Variants in RC3H1 observed in about 807,000 individuals in gnomAD.
The protein encoded by RC3H1 is roquin-1.
RC3H1 carries 50 observed loss-of-function variants against 138.2 expected under a neutral mutation model. The observed-to-expected ratio is 0.36, with a 90% CI of 0.29 to 0.46. The LOEUF is 0.46. RC3H1 is among the 20% of genes least tolerant of loss of function. The probability of loss-of-function intolerance (pLI) is 1.00; values close to 1 mark genes in which losing one functional copy is unlikely to be tolerated. For missense variants in RC3H1, 1,031 were observed against 1,388.1 expected (o/e 0.74, Z 4.09); for synonymous variants, 462 against 489.1 (o/e 0.94, Z 0.73).
At chr1:173,981,436 A>T (rs908018768) in intron 5 of RC3H1, among the ~76,000 whole-genome samples, 1 of 152,222 alleles carries the variant, frequency 6.6e-6, no homozygotes, top group Admixed American at 6.5e-5. Context: ...ATTTTTGTAT[A>T]GTCAATCTGT....
In RC3H1 at chr1:173,980,812, G is replaced by A; in HGVS notation, c.966C>T (p.Asp322=). Residue 322 remains aspartate, a synonymous_variant, in exon 6 of 20, where the codon GAC becomes GAT. Coordinates refer to ENST00000367696, the MANE Select transcript of RC3H1 (RefSeq NM_172071.4). ...SHKSHMQSII[D]KLQTPASFAQ... ...TAAGGAACAAAAAAGGTCCTACCTTGTCAATAATGGACTGCATATGAGATT... is the reference window on the plus strand; with the variant it reads ...TAAGGAACAAAAAAGGTCCTACCTTATCAATAATGGACTGCATATGAGATT... 6.2e-7 allele frequency: 1 copy of A among 1,611,960 alleles called. No individual in the cohort carries two copies. Among genetic ancestry groups the A allele is most frequent in the African/African-American group, 1.3e-5 (1 of 75,016 alleles).
In RC3H1 at chr1:173,951,955, G is replaced by T. The variant is rs765147121; in HGVS notation, c.2523+31C>A. ...AAATTTATTTGGTTTATCTTAATTTGTATTAATTATTGCTTAGCTATTACA... is the reference window on the plus strand; with the variant it reads ...AAATTTATTTGGTTTATCTTAATTTTTATTAATTATTGCTTAGCTATTACA... On this transcript the variant is annotated intron_variant, in intron 14 of 19. Transcript: ENST00000367696. The T allele has an allele frequency of 1.2e-5, 19 of 1,566,574 alleles. No individual in the cohort carries two copies. The African/African-American group carries it at 2.3e-4, about 19-fold the overall frequency.
chr1:173,946,676 A>C (rs981974636), intron 16 of RC3H1, 68 bp from the exon 17 acceptor site: 2 of 1,599,824 alleles, frequency 1.3e-6, no homozygotes, highest in African/African-American at 2.7e-5. Flanking sequence ...ACTGACCAGA[A>C]AAACAAAAAG....
At chr1:173,987,643 C>A (rs1356043020) in intron 2 of RC3H1, among the ~76,000 whole-genome samples, 3 of 152,162 alleles carry the variant, frequency 2.0e-5, no homozygotes, top group Non-Finnish European at 2.9e-5. Context: ...GATATGAATG[C>A]TATGTATGCA....
chr1:174,020,149 A>AG (rs2103120797), intron 1 of RC3H1, among the ~76,000 whole-genome samples: 1 of 151,528 alleles, frequency 6.6e-6, no homozygotes, highest in South Asian at 2.1e-4. Flanking sequence ...AAAAAAAAAA[A>AG]TCACAGATTT....
intron 6 of RC3H1, among the ~76,000 whole-genome samples, chr1:173,979,444 G>A (rs762727252): frequency 6.6e-5 from 10 of 152,106 alleles, no homozygotes; most frequent in Non-Finnish European, 1.5e-4. Context: ...TCAGGAGTTC[G>A]AAACCAGCCT....
intron 13 of RC3H1, among the ~76,000 whole-genome samples, chr1:173,957,801 A>G (rs948210650): frequency 2.7e-4 from 41 of 152,172 alleles, no homozygotes; most frequent in Non-Finnish European, 5.4e-4. Context: ...GGCTCAAGCA[A>G]TCTTCCCACC....
intron 6 of RC3H1, among the ~76,000 whole-genome samples, chr1:173,980,141 G>C (rs1415949337): frequency 6.7e-6 from 1 of 149,202 alleles, no homozygotes; most frequent in Non-Finnish European, 1.5e-5. Context: ...GCCTCTCAAA[G>C]TGCTGAGATT....
intron 10 of RC3H1, among the ~76,000 whole-genome samples, 167 bp from the exon 11 acceptor site, chr1:173,964,354 C>G (rs1571197496): frequency 1.1e-5 from 1 of 87,506 alleles, no homozygotes; most frequent in African/African-American, 2.3e-4. Flanking sequence ...TTAATTGTTT[C>G]TTTTCTTTTT....
chr1:173,953,640 T>C (rs1309236579), intron 13 of RC3H1, among the ~76,000 whole-genome samples: 1 of 152,172 alleles, frequency 6.6e-6, no homozygotes, highest in Non-Finnish European at 1.5e-5. Flanking sequence ...GATAAATTTA[T>C]ATACTGACAT....
Position 173,935,483 on chromosome 1 carries a change from C to A in RC3H1, c.*3238G>T, listed in dbSNP as rs1324420925. ...TTTTGCTTTGGAATTTAGTGAAATA[C>A]AAATAAAGTAATATTTAGAAGAAAC... On this transcript the variant is annotated 3_prime_UTR_variant, in exon 20 of 20. Coordinates refer to ENST00000367696, the MANE Select transcript of RC3H1 (RefSeq NM_172071.4). 1 of 151,212 alleles carries A rather than the reference C, an allele frequency of 6.6e-6. No individual in the cohort carries two copies. Among genetic ancestry groups the A allele is most frequent in the Admixed American group, 6.6e-5 (1 of 15,168 alleles). The allele number at this position is 151,212 out of a possible 1,614,324, so 9.4% of individuals were successfully genotyped here.
At chr1:174,017,656 G>A (rs908257441) in intron 1 of RC3H1, among the ~76,000 whole-genome samples, 1 of 151,922 alleles carries the variant, frequency 6.6e-6, no homozygotes, top group East Asian at 1.9e-4. Context: ...GAACAACATT[G>A]TGAATGTATA....
intron 8 of RC3H1, among the ~76,000 whole-genome samples, chr1:173,970,944 T>C (rs947888801): frequency 1.9e-4 from 29 of 151,222 alleles, no homozygotes; most frequent in African/African-American, 6.1e-4. Context: ...ATGGGGACAC[T>C]ATGATCTCAT....
At chr1:173,948,061 A>G (rs1344322596) in intron 14 of RC3H1, among the ~76,000 whole-genome samples, 2 of 152,090 alleles carry the variant, frequency 1.3e-5, no homozygotes, top group African/African-American at 2.4e-5. Flanking sequence ...ATATTTTTAA[A>G]ATTTATGGGA....
Position 173,962,108 on chromosome 1 carries a change from A to C in RC3H1, c.1832-13T>G. ...GTATAATACATACCTGCACAATACA[A>C]AAGAGGACCCAAAAGCAAATAATGA... On this transcript the variant is annotated splice_polypyrimidine_tract_variant and intron_variant, in intron 11 of 19. Coordinates refer to ENST00000367696, the MANE Select transcript of RC3H1 (RefSeq NM_172071.4). 1 of 1,575,062 alleles carries C rather than the reference A, an allele frequency of 6.3e-7. No homozygotes were observed. The highest frequency in any genetic ancestry group is 8.6e-7 in the Non-Finnish European group (1 of 1,156,422).
At chr1:173,946,918 G>A (rs1446976986) in intron 15 of RC3H1, 82 bp from the exon 16 acceptor site, 32 of 924,182 alleles carry the variant, frequency 3.5e-5, no homozygotes, top group South Asian at 5.5e-5. Context: ...AGACATCAGC[G>A]TATTGCATAC....
chr1:173,961,315 C>T (rs1370347131), intron 12 of RC3H1, 71 bp from the exon 13 acceptor site: 14 of 1,359,962 alleles, frequency 1.0e-5, no homozygotes, highest in African/African-American at 2.9e-5. Context: ...ATATACTCAG[C>T]GTATATTTTA....
At chr1:173,997,243 A>G (rs1661477177) in intron 1 of RC3H1, among the ~76,000 whole-genome samples, 1 of 152,146 alleles carries the variant, frequency 6.6e-6, no homozygotes, top group African/African-American at 2.4e-5. Flanking sequence ...AAGACAAAAA[A>G]ACTTAATGGC....
rs980451172 is a variant in RC3H1 at position 173,955,131 on chromosome 1, C to T, written c.2371-2993G>A. ...ATCCCAGCTACTCGGGAGGCTGAGG[C>T]GGGAGAATCGCTTGAACCTGGGAGG... On this transcript the variant is annotated intron_variant, in intron 13 of 19. Coordinates refer to ENST00000367696, the MANE Select transcript of RC3H1 (RefSeq NM_172071.4). 5.6e-5 allele frequency among the ~76,000 whole-genome samples: 8 copies of T among 143,288 alleles called. No homozygotes were observed. The East Asian group carries it at 6.9e-4, about 12-fold the overall frequency. 94.0% of individuals were successfully genotyped at this position (143,288 alleles called of 152,430 possible). A position where few individuals can be genotyped will look rare whatever the true frequency, so the allele number is the denominator to read the frequency against.
Sources: gnomAD v4.1 joint callset for allele counts (sites outside exome capture counted in the v4.1 genomes callset) on GRCh38, gnomAD v4.1.1 for gene constraint, MANE v1.5 for transcripts, NCBI Gene and HGNC (gene_info 2026-07-23, HGNC 2026-07-21) for gene names.